The following USH2A variants were observed in gnomAD, a reference collection of about 807,000 sequenced individuals.
USH2A encodes Usher syndrome 2A (autosomal recessive, mild).
USH2A carries 443 observed loss-of-function variants against 538.9 expected under a neutral mutation model. That is an observed-to-expected ratio of 0.82 (90% CI 0.76 to 0.89). The LOEUF (loss-of-function observed/expected upper bound fraction) is 0.89, where lower values mean the gene tolerates loss of function less well. Ranked by LOEUF, USH2A falls within the 40% of genes least tolerant of loss-of-function variation. The probability of loss-of-function intolerance (pLI) is 0.00; values close to 1 mark genes in which losing one functional copy is unlikely to be tolerated. For synonymous variants in USH2A, 2,413 were observed against 2,273.5 expected (o/e 1.06, Z -1.75); for missense variants, 6,633 against 6,324.8 (o/e 1.05, Z -1.65).
chr1:215,888,193 G>A (rs745765303), intron 41 of USH2A, among the ~76,000 whole-genome samples: 1 of 152,172 alleles, frequency 6.6e-6, no homozygotes, highest in Non-Finnish European at 1.5e-5. Context: ...TATTTCAGGT[G>A]TGCGAGGCAA....
intron 21 of USH2A, among the ~76,000 whole-genome samples, chr1:216,098,869 A>G (rs1236534913): frequency 1.3e-5 from 2 of 152,156 alleles, no homozygotes; most frequent in East Asian, 3.9e-4. Flanking sequence ...GAGAATATGA[A>G]GGATTTGGCG....
intron 45 of USH2A, among the ~76,000 whole-genome samples, chr1:215,845,158 T>C (rs1422630744): frequency 6.6e-6 from 1 of 152,118 alleles, no homozygotes; most frequent in Non-Finnish European, 1.5e-5. Context: ...ATTGTCCTTG[T>C]GATCTACCCT....
At chr1:215,648,790 T>A in intron 65 of USH2A, 24 bp from the exon 66 acceptor site, 1 of 1,601,380 alleles carries the variant, frequency 6.2e-7, no homozygotes, top group South Asian at 1.1e-5. Flanking sequence ...GAAGGCTAGA[T>A]AAAGGCAGTG....
chr1:215,647,847 C>A, intron 66 of USH2A, 117 bp from the exon 67 acceptor site: 1 of 1,221,404 alleles, frequency 8.2e-7, no homozygotes, highest in Non-Finnish European at 1.2e-6. Flanking sequence ...GCTACAGGCT[C>A]TTTAAAATTT....
At chr1:216,383,398 C>T (rs950182667) in intron 3 of USH2A, among the ~76,000 whole-genome samples, 5 of 152,262 alleles carry the variant, frequency 3.3e-5, no homozygotes, top group African/African-American at 9.6e-5. Flanking sequence ...TGAAAGGATA[C>T]TCAATGAGTA....
intron 47 of USH2A, among the ~76,000 whole-genome samples, chr1:215,828,396 A>C (rs1485392297): frequency 6.6e-6 from 1 of 152,186 alleles, no homozygotes; most frequent in African/African-American, 2.4e-5. Flanking sequence ...TCAAGGCTGC[A>C]GTGAGCTGCA....
rs147779650 is a variant in USH2A at position 215,662,232 on chromosome 1, A to C, written c.14133+8740T>G. 5.5e-3 allele frequency among the ~76,000 whole-genome samples: 832 copies of C among 152,338 alleles called. 11 individuals are homozygous for C. The highest frequency in any genetic ancestry group is 0.019 in the African/African-American group (806 of 41,578). On this transcript the variant is annotated intron_variant, in intron 64 of 71. Coordinates refer to ENST00000307340, the MANE Select transcript of USH2A (RefSeq NM_206933.4). Reference sequence around the variant, plus strand: ...TGTTTTCATGGCCATCTGAAGAGCCATGAGGGCAGGCTGGAATGGCATATT... The same window carrying C: ...TGTTTTCATGGCCATCTGAAGAGCCCTGAGGGCAGGCTGGAATGGCATATT...
At chr1:215,822,428 C>T (rs1025039924) in intron 47 of USH2A, among the ~76,000 whole-genome samples, 1 of 151,684 alleles carries the variant, frequency 6.6e-6, no homozygotes, top group Non-Finnish European at 1.5e-5. Context: ...AGATTGCTTG[C>T]TGTTGGTGTA....
At chr1:216,054,823 G>T (rs755428891) in intron 30 of USH2A, among the ~76,000 whole-genome samples, 18 of 152,150 alleles carry the variant, frequency 1.2e-4, no homozygotes, top group Admixed American at 6.5e-5. Flanking sequence ...TTGGACAGGT[G>T]TCTGCATTGA....
chr1:216,294,365 C>T (rs1342337068), intron 9 of USH2A, among the ~76,000 whole-genome samples: 2 of 151,818 alleles, frequency 1.3e-5, no homozygotes, highest in Non-Finnish European at 2.9e-5. Context: ...TATATTTCTT[C>T]TTTTCAAAAT....
Position 216,199,752 on chromosome 1 carries a change from A to G in USH2A, c.3686T>C (p.Leu1229Ser). 6.2e-7 allele frequency: 1 copy of G among 1,614,122 alleles called. No homozygotes were observed. The highest frequency in any genetic ancestry group is 8.5e-7 in the Non-Finnish European group (1 of 1,180,006). ...GGTCACTGTAATGGGCAAGCTGTGTAAACAGCCCCCGCTAGTACACGCCTG... is the reference window on the plus strand; with the variant it reads ...GGTCACTGTAATGGGCAAGCTGTGTGAACAGCCCCCGCTAGTACACGCCTG... ...SVQACTSGGC[L>S]HSLPITVTTA... The change falls in exon 17 of 72, where the codon TTA becomes TCA. Residue 1229 changes from leucine (L) to serine (S), a missense_variant. Coordinates refer to ENST00000307340, the MANE Select transcript of USH2A (RefSeq NM_206933.4).
chr1:216,012,027 C>A (rs796589423), intron 32 of USH2A, among the ~76,000 whole-genome samples: 1 of 67,190 alleles, frequency 1.5e-5, no homozygotes, highest in African/African-American at 5.2e-5. Flanking sequence ...TCGCCCAGGC[C>A]GGACTGCGGA....
Position 215,782,058 on chromosome 1 carries a change from C to T in USH2A, c.10724G>A (p.Cys3575Tyr), listed in dbSNP as rs111033265. Residue 3575 changes from cysteine to tyrosine, a missense_variant, in exon 54 of 72, where the codon TGT becomes TAT. Coordinates refer to ENST00000307340, the MANE Select transcript of USH2A (RefSeq NM_206933.4). ...TCCTCTTACCTTGCTACTGGTGGCA[C>T]AGCCAGCAACCGTGCAAGCTTTCAG... Reference protein sequence around the residue: ...YQLKACTVAGCATSSKVVAAT... With the variant: ...YQLKACTVAGYATSSKVVAAT... 13 of 1,614,002 alleles carry T rather than the reference C, an allele frequency of 8.1e-6. No individual in the cohort carries two copies. Among genetic ancestry groups the T allele is most frequent in the Non-Finnish European group, 1.0e-5 (12 of 1,179,872 alleles).
In USH2A at chr1:215,791,580, T is replaced by C. The variant is rs1048655006; in HGVS notation, c.9959-1298A>G. ...AAACTCTTATTTATGATTAATGATA[T>C]ACACTGATTCTAACAGAGCTTTGGC... On this transcript the variant is annotated intron_variant, in intron 50 of 71. Coordinates refer to ENST00000307340, the MANE Select transcript of USH2A (RefSeq NM_206933.4). Among the ~76,000 whole-genome samples the C allele has an allele frequency of 2.6e-5, 4 of 152,208 alleles. No individual in the cohort carries two copies. The South Asian group carries it at 6.2e-4, about 24-fold the overall frequency.
intron 50 of USH2A, among the ~76,000 whole-genome samples, chr1:215,791,225 T>C (rs956617896): frequency 1.3e-5 from 2 of 152,230 alleles, no homozygotes; most frequent in Non-Finnish European, 2.9e-5. Context: ...ACAGTGTTTT[T>C]ATATTAGAAT....
rs1442413340 is a variant in USH2A, at chr1:216,073,218, T to A, written c.5655A>T (p.Arg1885Ser). Residue 1885 changes from arginine (R) to serine (S), a missense_variant, in exon 28 of 72, where the codon AGA becomes AGT. Transcript: ENST00000307340. ...NLASVSSGAV[R>S]VNLDGCLSTD... ...TTGATAGGCATCCATCCAGATTGAC[T>A]CTGACAGCACCGCTGGACACAGATG... The A allele has an allele frequency of 6.2e-7, 1 of 1,613,890 alleles. No individual in the cohort carries two copies.
At chr1:215,851,101 A>G (rs1664004570) in intron 44 of USH2A, among the ~76,000 whole-genome samples, 1 of 152,158 alleles carries the variant, frequency 6.6e-6, no homozygotes. Context: ...CAGAAAGACC[A>G]CAAATAGACA....
chr1:216,220,427 A>G (rs1335533097), intron 14 of USH2A, among the ~76,000 whole-genome samples: 1 of 150,080 alleles, frequency 6.7e-6, no homozygotes, highest in African/African-American at 2.5e-5. Flanking sequence ...CAGCATTAAT[A>G]AAGATGTATC....
At chr1:215,768,087 TTGTC>T (rs1661182500) in intron 55 of USH2A, among the ~76,000 whole-genome samples, 1 of 152,182 alleles carries the variant, frequency 6.6e-6, no homozygotes, top group South Asian at 2.1e-4. Flanking sequence ...ATGTGTCACT[TTGTC>T]TATTTATGCA....
Sources: gnomAD v4.1 joint callset for allele counts (sites outside exome capture counted in the v4.1 genomes callset) on GRCh38, gnomAD v4.1.1 for gene constraint, MANE v1.5 for transcripts, NCBI Gene and HGNC (gene_info 2026-07-23, HGNC 2026-07-21) for gene names.